JAZF1: variants seen among roughly 807,000 people sequenced by gnomAD.
JAZF1 encodes the protein JAZF zinc finger 1.
In JAZF1, 8 loss-of-function variants were observed where a neutral mutation model predicts 26.4. The ratio of observed to expected loss-of-function variants is 0.30; its 90% CI spans 0.18 to 0.55. The LOEUF (loss-of-function observed/expected upper bound fraction) is 0.55. Ranked by LOEUF, JAZF1 falls within the 20% of genes least tolerant of loss-of-function variation. The probability of loss-of-function intolerance (pLI) is 0.94; values close to 1 mark genes in which losing one functional copy is unlikely to be tolerated. For missense variants in JAZF1, 199 were observed against 322.0 expected, an observed-to-expected ratio of 0.62 and a Z score of 2.92; for synonymous variants, 126 against 122.3, an observed-to-expected ratio of 1.03 and a Z score of -0.20.
At chr7:28,072,120 T>C (rs187405235) in intron 1 of JAZF1, among the ~76,000 whole-genome samples, 2 of 152,348 alleles carry the variant, frequency 1.3e-5, no homozygotes, top group Admixed American at 1.3e-4. Flanking sequence ...CTTGCATAAA[T>C]TGGATCTCAT....
Position 27,840,907 on chromosome 7 carries a change from C to A in JAZF1, c.386-40G>T. On this transcript the variant is annotated intron_variant, in intron 3 of 4. Coordinates refer to ENST00000283928, the MANE Select transcript of JAZF1 (RefSeq NM_175061.4). This position sits in a 1 kb window ranked among gnomAD's most constrained non-coding sequence, Gnocchi z 5.1. ...AAGTGCAAGGACTGTCAGGAGCGCTCATCTCCCCACAGGTTCACCCGGCCA... is the reference window on the plus strand; with the variant it reads ...AAGTGCAAGGACTGTCAGGAGCGCTAATCTCCCCACAGGTTCACCCGGCCA... 1 of 1,603,776 alleles carries A rather than the reference C, an allele frequency of 6.2e-7. No individual in the cohort carries two copies. The highest frequency in any genetic ancestry group is 8.5e-7 in the Non-Finnish European group (1 of 1,173,702).
At chr7:27,912,067 G>A (rs1237466178) in intron 2 of JAZF1, among the ~76,000 whole-genome samples, 1 of 152,152 alleles carries the variant, frequency 6.6e-6, no homozygotes, top group Non-Finnish European at 1.5e-5. Flanking sequence ...TGTACTGGGA[G>A]CTGAAAAATG....
At chr7:27,910,862 C>T (rs896992394) in intron 2 of JAZF1, among the ~76,000 whole-genome samples, 1 of 152,196 alleles carries the variant, frequency 6.6e-6, no homozygotes, top group African/African-American at 2.4e-5. Context: ...GTTGTTCCCC[C>T]CACCCCAAGT....
intron 2 of JAZF1, among the ~76,000 whole-genome samples, chr7:27,974,589 G>C (rs921707467): frequency 5.3e-5 from 8 of 152,184 alleles, no homozygotes; most frequent in Non-Finnish European, 1.5e-5. Flanking sequence ...GAATCATCCT[G>C]CTATATACTT....
intron 1 of JAZF1, among the ~76,000 whole-genome samples, chr7:28,069,742 C>T (rs907547690): frequency 4.6e-5 from 7 of 152,176 alleles, no homozygotes; most frequent in South Asian, 4.1e-4. Flanking sequence ...GAGTTTGGGG[C>T]GCTTTTTTCT....
At chr7:27,837,471 GCATCTGTCA>G (rs946500886) in intron 4 of JAZF1, among the ~76,000 whole-genome samples, 43 of 152,364 alleles carry the variant, frequency 2.8e-4, no homozygotes, top group African/African-American at 1.0e-3. Context: ...TGCCCTCAGA[GCATCTGTCA>G]CATCTGAGAC....
intron 1 of JAZF1, among the ~76,000 whole-genome samples, chr7:28,146,488 A>C (rs1783029738): frequency 6.6e-6 from 1 of 152,212 alleles, no homozygotes; most frequent in Non-Finnish European, 1.5e-5. Flanking sequence ...AAGTACTGTA[A>C]GTACTAATTA....
chr7:28,032,820 C>T (rs1783214038), intron 1 of JAZF1, among the ~76,000 whole-genome samples: 1 of 152,100 alleles, frequency 6.6e-6, no homozygotes, highest in Non-Finnish European at 1.5e-5. Flanking sequence ...AAGGAAGTAA[C>T]ATTAGCACAA....
At chr7:27,955,549 T>C (rs946028216) in intron 2 of JAZF1, among the ~76,000 whole-genome samples, 1 of 152,244 alleles carries the variant, frequency 6.6e-6, no homozygotes, top group Admixed American at 6.5e-5. Context: ...TTTCAGGCTT[T>C]CTGTGAGTCA....
chr7:28,153,640 A>G (rs926381021), intron 1 of JAZF1, among the ~76,000 whole-genome samples: 2 of 152,092 alleles, frequency 1.3e-5, no homozygotes, highest in Non-Finnish European at 2.9e-5. Flanking sequence ...AGCCCTCCTC[A>G]TATCTGGAAC....
chr7:27,901,171 T>G (rs997031644), intron 2 of JAZF1, among the ~76,000 whole-genome samples: 72 of 152,362 alleles, frequency 4.7e-4, no homozygotes, highest in African/African-American at 1.7e-3. Flanking sequence ...TGTTTTCATT[T>G]TGAAACTGAA....
rs1245245589 is a variant in JAZF1 at position 27,831,662 on chromosome 7, A to G, written c.*1138T>C. On this transcript the variant is annotated 3_prime_UTR_variant, in exon 5 of 5. Coordinates refer to ENST00000283928, the MANE Select transcript of JAZF1 (RefSeq NM_175061.4). ...AAGCTAAACAGACATTTCCAATGAG[A>G]ATGCAGACCTCTCTACAATGTGATG... 6 of 225,994 alleles carry G rather than the reference A, an allele frequency of 2.7e-5. No individual in the cohort carries two copies. The highest frequency in any genetic ancestry group is 4.4e-5 in the Non-Finnish European group (5 of 113,302). 14.0% of individuals were successfully genotyped at this position (225,994 alleles called of 1,614,324 possible).
At chr7:27,845,927 C>T (rs1185476694) in intron 3 of JAZF1, among the ~76,000 whole-genome samples, 1 of 151,950 alleles carries the variant, frequency 6.6e-6, no homozygotes, top group African/African-American at 2.4e-5. Context: ...CCCTAAATCG[C>T]AGGATGCTTC....
chr7:28,017,773 G>GTGGT (rs1554282276), intron 1 of JAZF1, among the ~76,000 whole-genome samples: 1 of 151,942 alleles, frequency 6.6e-6, no homozygotes, highest in Non-Finnish European at 1.5e-5. Flanking sequence ...TTTTGTTGTT[G>GTGGT]TTGTTTGTTT....
intron 2 of JAZF1, among the ~76,000 whole-genome samples, chr7:27,972,952 T>TACACAC (rs35079442): frequency 2.0e-5 from 3 of 150,006 alleles, no homozygotes; most frequent in Admixed American, 1.3e-4. Flanking sequence ...TGTGTATATA[T>TACACAC]ACACACACAC....
intron 1 of JAZF1, among the ~76,000 whole-genome samples, chr7:28,012,333 T>C (rs1782812545): frequency 6.6e-6 from 1 of 152,210 alleles, no homozygotes; most frequent in Non-Finnish European, 1.5e-5. Flanking sequence ...GCACAGCAAT[T>C]GGCAAAGACA....
intron 2 of JAZF1, among the ~76,000 whole-genome samples, chr7:27,988,619 G>A (rs1785814217): frequency 6.6e-6 from 1 of 151,866 alleles, no homozygotes; most frequent in African/African-American, 2.4e-5. Flanking sequence ...ACATTTGAGT[G>A]GCTATTTCCC....
At chr7:28,067,310 G>T (rs4722753) in intron 1 of JAZF1, among the ~76,000 whole-genome samples, 1 of 152,032 alleles carries the variant, frequency 6.6e-6, no homozygotes, top group Non-Finnish European at 1.5e-5. Context: ...GACATCAACA[G>T]GGATGAGTTC....
intron 2 of JAZF1, among the ~76,000 whole-genome samples, chr7:27,989,820 T>C (rs928374173): frequency 6.6e-6 from 1 of 152,154 alleles, no homozygotes; most frequent in Non-Finnish European, 1.5e-5. Context: ...ATAGGAACAC[T>C]TTTACACTGT....
Sources: gnomAD v4.1 joint callset for allele counts (sites outside exome capture counted in the v4.1 genomes callset) on GRCh38, gnomAD v4.1.1 for gene constraint, Gnocchi (gnomAD v3.1) non-coding constraint, MANE v1.5 for transcripts, NCBI Gene and HGNC (gene_info 2026-07-23, HGNC 2026-07-21) for gene names.